VPS35L: variants seen among roughly 807,000 people sequenced by gnomAD.
The protein encoded by VPS35L is VPS35 endosomal protein sorting factor like, also known as VPS35 endosomal protein-sorting factor-like.
A neutral mutation model predicts 133.0 loss-of-function variants in VPS35L; 83 were observed. The observed-to-expected ratio is 0.62, with a 90% CI of 0.52 to 0.75. VPS35L has a LOEUF of 0.75. VPS35L is among the 30% of genes least tolerant of loss of function. The probability of loss-of-function intolerance (pLI) is 0.00; values close to 1 mark genes in which losing one functional copy is unlikely to be tolerated. For missense variants in VPS35L, 1,083 were observed against 1,206.8 expected, an observed-to-expected ratio of 0.90 and a Z score of 1.52; for synonymous variants, 423 against 449.9, an observed-to-expected ratio of 0.94 and a Z score of 0.76.
intron 27 of VPS35L, among the ~76,000 whole-genome samples, chr16:19,674,628 C>T (rs1018803562): frequency 2.0e-5 from 3 of 152,112 alleles, no homozygotes; most frequent in Admixed American, 1.3e-4. Context: ...GTGTACAATA[C>T]ATTACTATTG....
chr16:19,577,387 G>T (rs985537868), intron 5 of VPS35L, among the ~76,000 whole-genome samples: 1 of 152,112 alleles, frequency 6.6e-6, no homozygotes, highest in Non-Finnish European at 1.5e-5. Flanking sequence ...ACTCATTACT[G>T]CAAGGATGGC....
intron 23 of VPS35L, among the ~76,000 whole-genome samples, chr16:19,645,299 T>A (rs1303817072): frequency 3.3e-5 from 5 of 149,570 alleles, no homozygotes; most frequent in Non-Finnish European, 7.4e-5. Context: ...TCTTTTTTTT[T>A]TTTTTTTTGA....
intron 26 of VPS35L, among the ~76,000 whole-genome samples, chr16:19,659,805 A>T (rs1974420185): frequency 6.6e-6 from 1 of 152,206 alleles, no homozygotes; most frequent in Admixed American, 6.5e-5. Context: ...GGAAGAAGAT[A>T]TGTCTGGATG....
At chr16:19,595,776 G>A (rs1331348272) in intron 8 of VPS35L, among the ~76,000 whole-genome samples, 1 of 152,168 alleles carries the variant, frequency 6.6e-6, no homozygotes, top group African/African-American at 2.4e-5. Context: ...AAAACAGCTG[G>A]GCTGGGAGTT....
intron 26 of VPS35L, among the ~76,000 whole-genome samples, chr16:19,666,983 T>TTTCTTCCTTTCTTC (rs1567470725): frequency 2.1e-4 from 21 of 100,828 alleles, no homozygotes; most frequent in African/African-American, 9.7e-4. Context: ...TTCCTTTCTT[T>TTTCTTCCTTTCTTC]CTTTCTTTCT....
intron 29 of VPS35L, among the ~76,000 whole-genome samples, chr16:19,698,554 C>CT (rs1381907806): frequency 6.6e-6 from 1 of 152,174 alleles, no homozygotes; most frequent in African/African-American, 2.4e-5. Context: ...CTCTAGAATT[C>CT]TATCATGGGC....
chr16:19,674,184 C>CTTTCTTT (rs764022611), intron 27 of VPS35L, among the ~76,000 whole-genome samples: 11 of 70,912 alleles, frequency 1.6e-4, no homozygotes, highest in African/African-American at 6.9e-4. Flanking sequence ...TTTTCTTTTT[C>CTTTCTTT]TTTTTTTTTT....
At chr16:19,645,510 C>G (rs567662027) in intron 23 of VPS35L, among the ~76,000 whole-genome samples, 54 of 152,132 alleles carry the variant, frequency 3.5e-4, no homozygotes, top group Non-Finnish European at 6.5e-4. Context: ...AGGATGGTCT[C>G]GATCTGCTGA....
At chr16:19,622,752 G>A (rs1481996097) in intron 14 of VPS35L, among the ~76,000 whole-genome samples, 1 of 152,088 alleles carries the variant, frequency 6.6e-6, no homozygotes, top group Non-Finnish European at 1.5e-5. Flanking sequence ...AGGCCACTTT[G>A]CTATTGGTCT....
rs764213344 is a variant in VPS35L, at chr16:19,626,177, G to A, written c.1225G>A (p.Ala409Thr). 7.6e-6 allele frequency: 12 copies of A among 1,583,576 alleles called. No homozygotes were observed. The highest frequency in any genetic ancestry group is 3.4e-5 in the South Asian group (3 of 88,662). ...ATTATTATTATTTTTAACATAATAG[G>A]CTCTGCTGACCGAGATGATGGAAAG... ...FQCISYHAPE[A>T]LLTEMMERCK... is the part of the protein sequence containing the mutation. Residue 409 changes from alanine (A) to threonine (T), a missense_variant and splice_region_variant, in exon 15 of 31, where the codon GCT (alanine) becomes ACT (threonine). Coordinates refer to ENST00000417362, the MANE Select transcript of VPS35L (RefSeq NM_020314.7).
intron 27 of VPS35L, among the ~76,000 whole-genome samples, chr16:19,671,635 G>A (rs1974878011): frequency 6.6e-6 from 1 of 151,922 alleles, no homozygotes; most frequent in African/African-American, 2.4e-5. Flanking sequence ...AAATTAGCCA[G>A]GAGTGGTGGC....
intron 14 of VPS35L, among the ~76,000 whole-genome samples, chr16:19,621,642 A>C (rs1472282270): frequency 1.3e-5 from 2 of 152,260 alleles, no homozygotes; most frequent in African/African-American, 2.4e-5. Flanking sequence ...GCTGTTGTTC[A>C]TCGTGTTCTT....
Position 19,629,829 on chromosome 16 carries a change from G to A in VPS35L, c.1554+9G>A. On this transcript the variant is annotated intron_variant, in intron 18 of 30. Coordinates refer to ENST00000417362, the MANE Select transcript of VPS35L (RefSeq NM_020314.7). ...CCTGCAAGCATTTCACGGTATGTGTGACTGTGGTATTGTTTTTGAAAGAAT... is the reference window on the plus strand; with the variant it reads ...CCTGCAAGCATTTCACGGTATGTGTAACTGTGGTATTGTTTTTGAAAGAAT... The A allele has an allele frequency of 6.2e-7, 1 of 1,612,304 alleles. No homozygotes were observed. Among genetic ancestry groups the A allele is most frequent in the Admixed American group, 1.7e-5 (1 of 60,006 alleles).
chr16:19,675,104 C>T (rs1460971015), intron 27 of VPS35L, among the ~76,000 whole-genome samples: 2 of 152,036 alleles, frequency 1.3e-5, no homozygotes, highest in African/African-American at 2.4e-5. Flanking sequence ...ATGGGCAAGC[C>T]ACCAGGCCCA....
intron 11 of VPS35L, 104 bp from the exon 12 acceptor site, chr16:19,610,218 C>A: frequency 1.1e-6 from 1 of 951,576 alleles, no homozygotes; most frequent in Admixed American, 2.4e-5. Flanking sequence ...TTGATTTTTC[C>A]CCCCCTCCCT....
At chr16:19,611,979 G>A (rs1177137506) in intron 12 of VPS35L, among the ~76,000 whole-genome samples, 2 of 149,218 alleles carry the variant, frequency 1.3e-5, no homozygotes, top group Admixed American at 6.7e-5. Context: ...TCACTCTGTC[G>A]CCCGGCTGGA....
intron 7 of VPS35L, among the ~76,000 whole-genome samples, chr16:19,582,489 A>C (rs34547222): frequency 0.12 from 18,419 of 152,104 alleles, 1,252 homozygotes; most frequent in Middle Eastern, 0.18. Flanking sequence ...GACTCCTTGT[A>C]TAGTACGGGT....
At chr16:19,646,884 C>T (rs1014404677) in intron 23 of VPS35L, among the ~76,000 whole-genome samples, 1 of 152,126 alleles carries the variant, frequency 6.6e-6, no homozygotes, top group South Asian at 2.1e-4. Flanking sequence ...ACTATCCCAG[C>T]CTGAACAGTC....
rs554688676 is a variant in VPS35L at position 19,688,274 on chromosome 16, C to T, written c.2528-3079C>T. Among the ~76,000 whole-genome samples, 3 of 152,188 alleles carry T rather than the reference C, an allele frequency of 2.0e-5. No homozygotes were observed. In the East Asian group the frequency reaches 5.9e-4, roughly 30 times the overall value. ...TTTGTGCACAGGCCCTACTGTGTTT[C>T]TCATAAATATTGTCTCTTTTGAATT... On this transcript the variant is annotated intron_variant, in intron 28 of 30. Coordinates refer to ENST00000417362, the MANE Select transcript of VPS35L (RefSeq NM_020314.7).
Sources: allele counts gnomAD v4.1 joint callset (sites outside exome capture counted in the v4.1 genomes callset), GRCh38; gene constraint gnomAD v4.1.1; transcripts MANE v1.5; gene names NCBI Gene and HGNC (gene_info 2026-07-23, HGNC 2026-07-21).